The following GMPS variants were observed in gnomAD, a reference collection of about 807,000 sequenced individuals.
The protein encoded by GMPS is GMP synthase [glutamine-hydrolyzing].
GMPS carries 15 observed loss-of-function variants against 77.9 expected under a neutral mutation model. The observed-to-expected ratio is 0.19, with a 90% CI of 0.13 to 0.30. The LOEUF (loss-of-function observed/expected upper bound fraction) is 0.30. Among genes scored for constraint, GMPS ranks in the 10% least tolerant of loss-of-function variants. The pLI, the probability that GMPS is intolerant of heterozygous loss-of-function variation, is 1.00. For missense variants in GMPS, 590 were observed against 838.8 expected, an observed-to-expected ratio of 0.70 and a Z score of 3.66; for synonymous variants, 224 against 275.9, an observed-to-expected ratio of 0.81 and a Z score of 1.86.
chr3:155,897,737 G>T lies in GMPS; in HGVS notation c.210-190G>T, dbSNP rs1754636480. ...ATAGACTTCTAAACATTGCAGTAAA[G>T]TACAGTAAAAATAATTAAACCACGT... On this transcript the variant is annotated intron_variant, in intron 2 of 15. Coordinates refer to ENST00000496455, the MANE Select transcript of GMPS (RefSeq NM_003875.3). Among the ~76,000 whole-genome samples, 4 of 152,196 alleles carry T rather than the reference G, an allele frequency of 2.6e-5. No individual in the cohort carries two copies. The South Asian group carries it at 8.3e-4, about 32-fold the overall frequency.
intron 3 of GMPS, among the ~76,000 whole-genome samples, chr3:155,900,646 G>A (rs889276487): frequency 6.6e-6 from 1 of 152,142 alleles, no homozygotes; most frequent in East Asian, 1.9e-4. Context: ...ATAATTATAA[G>A]GCCAAATTGT....
rs1009250512 is a variant in GMPS, at chr3:155,943,758, G to C, written c.*6066G>C. On this transcript the variant is annotated 3_prime_UTR_variant, in exon 16 of 16. Coordinates refer to ENST00000496455, the MANE Select transcript of GMPS (RefSeq NM_003875.3). Reference sequence around the variant, plus strand: ...TTACACAATTTGTCATGAAGCTTCCGTGTTTATGAGAAATTCCAAGAAGTA... The same window carrying C: ...TTACACAATTTGTCATGAAGCTTCCCTGTTTATGAGAAATTCCAAGAAGTA... The C allele has an allele frequency of 1.3e-5, 2 of 159,856 alleles. No individual in the cohort carries two copies. Among genetic ancestry groups the C allele is most frequent in the Admixed American group, 6.5e-5 (1 of 15,416 alleles). The allele number at this position is 159,856 out of a possible 1,614,324, so 9.9% of individuals were successfully genotyped here.
intron 6 of GMPS, 87 bp from the exon 7 acceptor site, chr3:155,911,027 A>G (rs1277243836): frequency 1.7e-6 from 2 of 1,187,498 alleles, no homozygotes; most frequent in East Asian, 2.4e-5. Flanking sequence ...TGGTATAAAT[A>G]GCACTTTTAG....
intron 1 of GMPS, among the ~76,000 whole-genome samples, chr3:155,888,118 C>A (rs758555032): frequency 2.0e-5 from 3 of 151,564 alleles, no homozygotes; most frequent in African/African-American, 4.8e-5. Flanking sequence ...TGCTGCATTG[C>A]CCAGACTAGT....
rs1560057305 is a variant in GMPS, at chr3:155,940,233, T to C, written c.*2541T>C. Reference sequence around the variant, plus strand: ...TGAAAGCATTATTTATTCCTAAGATTGGCAGGCACAGAATCATTTTTAAGA... The same window carrying C: ...TGAAAGCATTATTTATTCCTAAGATCGGCAGGCACAGAATCATTTTTAAGA... On this transcript the variant is annotated 3_prime_UTR_variant, in exon 16 of 16. Transcript: ENST00000496455. The C allele has an allele frequency of 5.0e-6, 1 of 201,098 alleles. No homozygotes were observed. Among genetic ancestry groups the C allele is most frequent in the East Asian group, 7.7e-5 (1 of 12,968 alleles). The allele number at this position is 201,098 out of a possible 1,614,324, so 12.5% of individuals were successfully genotyped here. A position where few individuals can be genotyped will look rare whatever the true frequency, so the allele number is the denominator to read the frequency against.
At chr3:155,930,482 A>G (rs968921679) in intron 12 of GMPS, among the ~76,000 whole-genome samples, 2 of 150,420 alleles carry the variant, frequency 1.3e-5, no homozygotes, top group African/African-American at 4.9e-5. Flanking sequence ...ACCAAAAGCA[A>G]TGGCAACAAA....
chr3:155,889,994 T>G (rs1204906690), intron 1 of GMPS, among the ~76,000 whole-genome samples: 1 of 152,246 alleles, frequency 6.6e-6, no homozygotes, highest in Non-Finnish European at 1.5e-5. Flanking sequence ...GGATGGTTTT[T>G]CTAATATCTC....
At chr3:155,884,202 A>G (rs1754276339) in intron 1 of GMPS, among the ~76,000 whole-genome samples, 1 of 151,612 alleles carries the variant, frequency 6.6e-6, no homozygotes, top group South Asian at 2.1e-4. Context: ...CCTGGCCAAC[A>G]TGGTGAAACC....
chr3:155,895,307 T>TA (rs1447716710), intron 2 of GMPS: 1 of 152,146 alleles, frequency 6.6e-6, no homozygotes, highest in East Asian at 1.9e-4. Context: ...TTTTTATTTT[T>TA]TTTTTATTAT....
At chr3:155,870,594 G>A (rs892891580), upstream of GMPS, 2 of 399,158 alleles carry the variant, frequency 5.0e-6, no homozygotes, top group South Asian at 1.0e-4. Flanking sequence ...CTGCCAAGCC[G>A]AACGGGCTCT....
intron 11 of GMPS, among the ~76,000 whole-genome samples, 156 bp downstream of exon 11, chr3:155,922,458 A>G (rs1349725999): frequency 6.6e-6 from 1 of 152,176 alleles, no homozygotes; most frequent in Admixed American, 6.6e-5. Context: ...AGATATTCTT[A>G]TATGCATATT....
intron 11 of GMPS, 59 bp downstream of exon 11, chr3:155,922,361 G>A: frequency 1.6e-6 from 1 of 641,302 alleles, no homozygotes; most frequent in South Asian, 2.4e-5. Context: ...TTATATACCA[G>A]CATTTATAAT....
Position 155,893,713 on chromosome 3 carries a change from T to C in GMPS, c.209+14T>C. On this transcript the variant is annotated intron_variant, in intron 2 of 15. Transcript: ENST00000496455. ...ACAAGGATTCCGGTAGACTTTTCAC[T>C]AATCTTTTCATGAGGAGATTGAACT... The C allele has an allele frequency of 6.7e-7, 1 of 1,489,090 alleles. No homozygotes were observed. Among genetic ancestry groups the C allele is most frequent in the Non-Finnish European group, 9.2e-7 (1 of 1,081,118 alleles). 92.2% of individuals were successfully genotyped at this position (1,489,090 alleles called of 1,614,324 possible). A position where few individuals can be genotyped will look rare whatever the true frequency, so the allele number is the denominator to read the frequency against.
At chr3:155,873,541 A>T (rs1212765551) in intron 1 of GMPS, among the ~76,000 whole-genome samples, 2 of 150,112 alleles carry the variant, frequency 1.3e-5, no homozygotes, top group Non-Finnish European at 3.0e-5. Flanking sequence ...GGATTACAGT[A>T]GTGAGCCACT....
rs767288392 is a variant in GMPS at position 155,893,540 on chromosome 3, T to C, written c.50T>C (p.Leu17Pro). 1 of 1,610,428 alleles carries C rather than the reference T, an allele frequency of 6.2e-7. No homozygotes were observed. Among genetic ancestry groups the C allele is most frequent in the South Asian group, 1.1e-5 (1 of 90,636 alleles). ...DSKLENAGGD[L>P]KDGHHHYEGA... ...CAGCTGGAGAATGCTGGAGGAGACC[T>C]TAAGGATGGCCACCACCACTATGAA... The change falls in exon 2 of 16, where the codon CTT becomes CCT. Residue 17 changes from leucine to proline, a missense_variant. Physicochemically the swap from Leu to Pro is moderately conservative, Grantham distance 98. Coordinates refer to ENST00000496455, the MANE Select transcript of GMPS (RefSeq NM_003875.3).
intron 2 of GMPS, chr3:155,895,290 C>G (rs1006807066): frequency 1.3e-5 from 2 of 151,820 alleles, no homozygotes; most frequent in South Asian, 2.1e-4. Context: ...ACATCTTAAC[C>G]TACCTATTTT....
intron 1 of GMPS, among the ~76,000 whole-genome samples, chr3:155,877,797 CTTTTTT>C (rs35973380): frequency 1.1e-4 from 12 of 113,054 alleles, no homozygotes; most frequent in African/African-American, 3.9e-4. Context: ...ACCTTGGGGC[CTTTTTT>C]TTTTTTTTTT....
intron 1 of GMPS, among the ~76,000 whole-genome samples, chr3:155,890,698 G>A (rs1299737236): frequency 6.6e-6 from 1 of 152,164 alleles, no homozygotes; most frequent in Non-Finnish European, 1.5e-5. Flanking sequence ...TTTTCCTGGA[G>A]TCACTTCCTT....
chr3:155,899,698 A>G (rs1754687138), intron 3 of GMPS, among the ~76,000 whole-genome samples: 1 of 152,212 alleles, frequency 6.6e-6, no homozygotes, highest in South Asian at 2.1e-4. Context: ...AATGACATAT[A>G]TCTACCATTG....
Sources: gnomAD v4.1 joint callset for allele counts (sites outside exome capture counted in the v4.1 genomes callset) on GRCh38, gnomAD v4.1.1 for gene constraint, MANE v1.5 for transcripts, NCBI Gene and HGNC (gene_info 2026-07-23, HGNC 2026-07-21) for gene names.